DNHD1: variants seen among roughly 807,000 people sequenced by gnomAD.
DNHD1 encodes the protein dynein heavy chain domain 1.
Under a neutral mutation model 458.1 loss-of-function variants are expected in DNHD1, and 383 were observed. The observed-to-expected ratio is 0.84, with a 90% CI of 0.77 to 0.91. The LOEUF (loss-of-function observed/expected upper bound fraction) is 0.91, where lower values mean the gene tolerates loss of function less well. Ranked by LOEUF, DNHD1 falls within the 40% of genes least tolerant of loss-of-function variation. The pLI is 0.00. For missense variants in DNHD1, 5,336 were observed against 5,866.1 expected (o/e 0.91, Z 2.95); for synonymous variants, 2,203 against 2,376.9 (o/e 0.93, Z 2.13).
At chr11:6,537,047 G>C (rs1266718287) in intron 14 of DNHD1, among the ~76,000 whole-genome samples, 2 of 152,200 alleles carry the variant, frequency 1.3e-5, no homozygotes, top group Non-Finnish European at 2.9e-5. Flanking sequence ...CCCAGCATTT[G>C]GGTGTGACTC....
intron 10 of DNHD1, among the ~76,000 whole-genome samples, chr11:6,524,684 T>C (rs1489471504): frequency 6.6e-6 from 1 of 152,178 alleles, no homozygotes; most frequent in East Asian, 1.9e-4. Context: ...TAGATCCTCT[T>C]AGAAGGCTGT....
intron 32 of DNHD1, among the ~76,000 whole-genome samples, chr11:6,565,201 T>C (rs1433700832): frequency 6.6e-6 from 1 of 152,166 alleles, no homozygotes; most frequent in South Asian, 2.1e-4. Context: ...GGGATTGAGT[T>C]TGTGAGAAAA....
Position 6,510,863 on chromosome 11 carries a change from C to A in DNHD1, c.1236-410C>A, listed in dbSNP as rs1019423232. 2.0e-5 allele frequency among the ~76,000 whole-genome samples: 3 copies of A among 152,304 alleles called. No individual in the cohort carries two copies. The South Asian group carries it at 6.2e-4, about 32-fold the overall frequency. On this transcript the variant is annotated intron_variant, in intron 6 of 42. Coordinates refer to ENST00000254579, the MANE Select transcript of DNHD1 (RefSeq NM_144666.3). ...GGCTTCCTCAGGGATGGGCAGCCCA[C>A]AGAGAAGTTCCAGTTTCATCACATT...
chr11:6,522,158 C>T (rs1296044657), intron 10 of DNHD1, among the ~76,000 whole-genome samples: 3 of 151,740 alleles, frequency 2.0e-5, no homozygotes, highest in East Asian at 3.9e-4. Context: ...AGTGTCTGTT[C>T]GTGTCCTTTG....
At chr11:6,567,901 T>G in intron 36 of DNHD1, 41 bp downstream of exon 36, 2 of 1,551,916 alleles carry the variant, frequency 1.3e-6, no homozygotes, top group Non-Finnish European at 1.7e-6. Flanking sequence ...ACCAGGCTCC[T>G]GTGGGCTGGG....
chr11:6,534,391 A>C (rs1181747657), intron 14 of DNHD1, among the ~76,000 whole-genome samples: 2 of 152,068 alleles, frequency 1.3e-5, no homozygotes, highest in Non-Finnish European at 2.9e-5. Context: ...ATGGGGGCTC[A>C]CAGTCTGGTA....
Position 6,547,329 on chromosome 11 carries a change from C to T in DNHD1, c.6390C>T (p.Asp2130=), listed in dbSNP as rs1480754118. The part of the protein sequence containing the change: ...PGTFLLMEVA[D]TTGISPTVVG... The stretch of plus-strand genomic sequence containing the variant: ...CCTTTCTCTTGATGGAGGTGGCTGA[C>T]ACAACAGGCATATCCCCCACAGTGG... The change falls in exon 21 of 43, where the codon GAC becomes GAT. Residue 2130 remains aspartate (D), a synonymous_variant. Coordinates refer to ENST00000254579, the MANE Select transcript of DNHD1 (RefSeq NM_144666.3). The T allele has an allele frequency of 1.3e-6, 2 of 1,551,774 alleles. No individual in the cohort carries two copies. Among genetic ancestry groups the T allele is most frequent in the Admixed American group, 3.9e-5 (2 of 50,994 alleles).
Position 6,544,534 on chromosome 11 carries a change from CT to C in DNHD1, c.3755-39del. The C allele has an allele frequency of 2.7e-6, 4 of 1,499,582 alleles. No individual in the cohort carries two copies. The South Asian group carries it at 4.8e-5, about 18-fold the overall frequency. 92.9% of individuals were successfully genotyped at this position (1,499,582 alleles called of 1,614,324 possible). A position where few individuals can be genotyped will look rare whatever the true frequency, so the allele number is the denominator to read the frequency against. On this transcript the variant is annotated intron_variant, in intron 19 of 42. Transcript: ENST00000254579. The stretch of plus-strand genomic sequence containing the variant: ...GGACTCCCCTGCAGAAGGTAGAACC[CT>C]AGTGTTTCCCACCAGCATTCCTCTG...
chr11:6,566,768 G>A lies in DNHD1; in HGVS notation c.11385+3G>A. The A allele has an allele frequency of 6.2e-7, 1 of 1,608,558 alleles. No individual in the cohort carries two copies. ...GCAAGGCTGTGGAGGCTGCTGAGGT[G>A]CTTGGGGGCTCAGTCTGTGGGTTGA... On this transcript the variant is annotated splice_donor_region_variant and intron_variant, in intron 35 of 42. Coordinates refer to ENST00000254579, the MANE Select transcript of DNHD1 (RefSeq NM_144666.3).
At chr11:6,553,738 A>G (rs1853407807) in intron 24 of DNHD1, among the ~76,000 whole-genome samples, 1 of 152,190 alleles carries the variant, frequency 6.6e-6, no homozygotes, top group African/African-American at 2.4e-5. Flanking sequence ...TTAAAATATC[A>G]CTTAAAAGTC....
Position 6,538,604 on chromosome 11 carries a change from C to G in DNHD1, c.3127-8C>G. 6.5e-7 allele frequency: 1 copy of G among 1,546,988 alleles called. No homozygotes were observed. Among genetic ancestry groups the G allele is most frequent in the Non-Finnish European group, 8.7e-7 (1 of 1,143,974 alleles). ...TCTCAAGCTGACAGTGAGCCCTTCT[C>G]CCTGCAGTTCAGCCCAGCTATGGCC... On this transcript the variant is annotated splice_polypyrimidine_tract_variant and splice_region_variant and intron_variant, in intron 15 of 42. Coordinates refer to ENST00000254579, the MANE Select transcript of DNHD1 (RefSeq NM_144666.3).
intron 10 of DNHD1, among the ~76,000 whole-genome samples, chr11:6,522,287 G>T (rs1852619277): frequency 6.6e-6 from 1 of 151,948 alleles, no homozygotes; most frequent in Non-Finnish European, 1.5e-5. Flanking sequence ...CCCTTCTGTA[G>T]GTTGTCTGTT....
In DNHD1 at chr11:6,563,025, T is replaced by C. The variant is rs1366901303; in HGVS notation, c.9563T>C (p.Leu3188Pro). The C allele has an allele frequency of 1.0e-5, 16 of 1,551,602 alleles. No homozygotes were observed. The highest frequency in any genetic ancestry group is 1.4e-5 in the Non-Finnish European group (16 of 1,147,008). ...CAGCAGCTAGAGCAAAGCAAGCTCC[T>C]ATACAAGCAGCAGCTGGAAGAGTGT... Reference protein sequence around the residue: ...FQQQLEQSKLLYKQQLEECRH... With the variant: ...FQQQLEQSKLPYKQQLEECRH... Residue 3188 changes from leucine to proline, a missense_variant, in exon 29 of 43, where the codon CTA becomes CCA. Physicochemically the swap from Leu to Pro is moderately conservative, Grantham distance 98. Coordinates refer to ENST00000254579, the MANE Select transcript of DNHD1 (RefSeq NM_144666.3).
Position 6,557,321 on chromosome 11 carries a change from G to C in DNHD1, c.8026G>C (p.Ala2676Pro). ...SYCAKLLLVV[A>P]QSVFCCGPGP... ...CTGTGCCAAGCTGCTCCTAGTAGTA[G>C]CTCAAAGTGTCTTCTGCTGTGGGCC... The change falls in exon 25 of 43, where the codon GCT becomes CCT. Residue 2676 changes from alanine to proline, a missense_variant. By Grantham distance (27) the Ala-to-Pro change is conservative. Coordinates refer to ENST00000254579, the MANE Select transcript of DNHD1 (RefSeq NM_144666.3). The C allele has an allele frequency of 3.9e-6, 6 of 1,551,614 alleles. No individual in the cohort carries two copies. The highest frequency in any genetic ancestry group is 5.2e-6 in the Non-Finnish European group (6 of 1,147,020).
At position 6,556,711 on chromosome 11, in the gene DNHD1, GGA is replaced by G; in HGVS notation, c.7419_7420del (p.Glu2473AspfsTer38). ...DPEKSCQPVL[E>X]TLRQAMDGTV... is the part of the protein sequence containing the mutation. ...CAGAGAAGAGCTGCCAGCCAGTGTT[GGA>G]GACTCTGCGCCAGGCCATGGATGGC... On this transcript the variant is annotated frameshift_variant, in exon 25 of 43. Coordinates refer to ENST00000254579, the MANE Select transcript of DNHD1 (RefSeq NM_144666.3). LOFTEE classifies it high-confidence loss of function. The G allele has an allele frequency of 6.5e-7, 1 of 1,548,892 alleles. No homozygotes were observed. The highest frequency in any genetic ancestry group is 8.7e-7 in the Non-Finnish European group (1 of 1,144,684).
At chr11:6,558,343 G>T in intron 25 of DNHD1, 46 bp downstream of exon 25, 2 of 1,537,010 alleles carry the variant, frequency 1.3e-6, no homozygotes, top group Non-Finnish European at 1.8e-6. Context: ...CTCTTACGCT[G>T]TCTTGGCCAA....
chr11:6,547,339 A>G lies in DNHD1; in HGVS notation c.6400A>G (p.Ile2134Val), dbSNP rs1853244293. The change falls in exon 21 of 43, where the codon ATA (isoleucine) becomes GTA (valine). Residue 2134 changes from isoleucine (I) to valine (V), a missense_variant. Physicochemically the swap from Ile to Val is conservative, Grantham distance 29. Around this residue, in one of 4 missense-constraint regions of DNHD1, gnomAD observed 3,932 missense variants for 4,365.6 expected, o/e 0.90. Coordinates refer to ENST00000254579, the MANE Select transcript of DNHD1 (RefSeq NM_144666.3). ...GATGGAGGTGGCTGACACAACAGGC[A>G]TATCCCCCACAGTGGTAGGCTGTTG... The part of the protein sequence containing the change: ...LLMEVADTTG[I>V]SPTVVGCCAL... 1.3e-6 allele frequency: 2 copies of G among 1,551,660 alleles called. No homozygotes were observed. Among genetic ancestry groups the G allele is most frequent in the South Asian group, 2.4e-5 (2 of 84,072 alleles).
At chr11:6,499,845 C>T (rs371602517) in intron 3 of DNHD1, among the ~76,000 whole-genome samples, 1 of 152,098 alleles carries the variant, frequency 6.6e-6, no homozygotes, top group African/African-American at 2.4e-5. Context: ...GGATTACAGG[C>T]GTGAGTCACT....
rs999345048 is a variant in DNHD1, at chr11:6,548,376, T to C, written c.7072T>C (p.Leu2358=). Residue 2358 remains leucine (L), a synonymous_variant, in exon 23 of 43, where the codon TTG becomes CTG. Coordinates refer to ENST00000254579, the MANE Select transcript of DNHD1 (RefSeq NM_144666.3). This position sits in a 1 kb window ranked among gnomAD's most constrained non-coding sequence, Gnocchi z 4.4. ...QYLSSHIKGT[L]GTFHPSIQTE... ...CCTGAGCAGCCACATCAAAGGAACT[T>C]TGGGCACCTTTCACCCTTCTATCCA... The C allele has an allele frequency of 2.6e-6, 4 of 1,551,560 alleles. No individual in the cohort carries two copies. In the African/African-American group the frequency reaches 4.1e-5, roughly 16 times the overall value.
Sources: gnomAD v4.1 joint callset for allele counts (sites outside exome capture counted in the v4.1 genomes callset) on GRCh38, gnomAD v4.1.1 for gene constraint, gnomAD v4.1.1 regional missense constraint, Gnocchi (gnomAD v3.1) non-coding constraint, MANE v1.5 for transcripts, NCBI Gene and HGNC (gene_info 2026-07-23, HGNC 2026-07-21) for gene names.